CNTN5: variants seen among roughly 807,000 people sequenced by gnomAD.
The protein encoded by CNTN5 is contactin 5.
A neutral mutation model predicts 129.1 loss-of-function variants in CNTN5; 77 were observed. The observed-to-expected ratio is 0.60, with a 90% CI of 0.50 to 0.72. The LOEUF is 0.72. Ranked by LOEUF, CNTN5 falls within the 30% of genes least tolerant of loss-of-function variation. CNTN5 has a pLI of 0.00. For missense variants in CNTN5, 1,478 were observed against 1,328.8 expected (o/e 1.11, Z -1.75); for synonymous variants, 509 against 465.6 (o/e 1.09, Z -1.20).
chr11:100,053,060 T>C lies in CNTN5; in HGVS notation c.981-8152T>C, dbSNP rs547898988. ...CCATAAACAGCAAATAAACTTAAAT[T>C]GGATCATAGCCCTAAATGTAAATCT... On this transcript the variant is annotated intron_variant, in intron 9 of 24. Transcript: ENST00000524871. 2.0e-5 allele frequency among the ~76,000 whole-genome samples: 3 copies of C among 151,878 alleles called. No homozygotes were observed. In the South Asian group the frequency reaches 6.2e-4, roughly 31 times the overall value.
intron 9 of CNTN5, among the ~76,000 whole-genome samples, chr11:100,057,116 A>T (rs1943265953): frequency 6.6e-6 from 1 of 150,552 alleles, no homozygotes; most frequent in African/African-American, 2.4e-5. Flanking sequence ...TAGTCATATG[A>T]TTTTATTATT....
rs79192873 is a variant in CNTN5, at chr11:99,289,811, A to G, written c.-209-35535A>G. Among the ~76,000 whole-genome samples, 333 of 151,942 alleles carry G rather than the reference A, an allele frequency of 2.2e-3. 11 individuals carry two copies. The East Asian group carries it at 0.051, about 23-fold the overall frequency. ...TTCATGGAACTAGACTTTGAAATGA[A>G]TGTGTTTTCTCATCATTAAATTTGG... On this transcript the variant is annotated intron_variant, in intron 1 of 24. Transcript: ENST00000524871.
At chr11:99,850,948 T>A (rs545465361) in intron 6 of CNTN5, among the ~76,000 whole-genome samples, 1 of 152,314 alleles carries the variant, frequency 6.6e-6, no homozygotes, top group Admixed American at 6.5e-5. Flanking sequence ...TAGCTTGACA[T>A]AAAGCCAAAA....
chr11:99,643,279 G>A (rs1431831922), intron 3 of CNTN5, among the ~76,000 whole-genome samples: 4 of 151,964 alleles, frequency 2.6e-5, no homozygotes, highest in Non-Finnish European at 5.9e-5. Flanking sequence ...AGGTGTATAC[G>A]AATATTTGAT....
intron 2 of CNTN5, among the ~76,000 whole-genome samples, chr11:99,480,496 G>T (rs1945550423): frequency 6.6e-6 from 1 of 152,120 alleles, no homozygotes; most frequent in African/African-American, 2.4e-5. Flanking sequence ...CTAAATATCT[G>T]TAGAACATAT....
intron 3 of CNTN5, among the ~76,000 whole-genome samples, chr11:99,616,974 G>C (rs917194125): frequency 1.3e-5 from 2 of 152,182 alleles, no homozygotes; most frequent in Admixed American, 6.5e-5. Context: ...AGCTGGGCGT[G>C]GTGGCACGTG....
chr11:99,739,183 C>G (rs1481685884), intron 3 of CNTN5, among the ~76,000 whole-genome samples: 2 of 152,040 alleles, frequency 1.3e-5, no homozygotes, highest in Non-Finnish European at 2.9e-5. Flanking sequence ...TTGTTATTCC[C>G]TTATGAACTT....
At chr11:99,190,815 A>G (rs1448427131) in intron 1 of CNTN5, among the ~76,000 whole-genome samples, 1 of 151,330 alleles carries the variant, frequency 6.6e-6, no homozygotes, top group Non-Finnish European at 1.5e-5. Context: ...TCTATATATT[A>G]TATCATGTAA....
intron 13 of CNTN5, among the ~76,000 whole-genome samples, chr11:100,074,636 GTTTTAA>G (rs770759206): frequency 3.9e-5 from 6 of 152,096 alleles, no homozygotes; most frequent in Non-Finnish European, 7.4e-5. Flanking sequence ...TAAGCATTGT[GTTTTAA>G]TTTGATTTTA....
chr11:99,874,737 A>C (rs1047339031), intron 6 of CNTN5, among the ~76,000 whole-genome samples: 6 of 152,208 alleles, frequency 3.9e-5, no homozygotes, highest in African/African-American at 1.4e-4. Flanking sequence ...AACAAATTGA[A>C]TTATTTGAAG....
At chr11:100,201,867 A>G (rs73562492) in intron 15 of CNTN5, among the ~76,000 whole-genome samples, 219 of 152,024 alleles carry the variant, frequency 1.4e-3, no homozygotes, top group African/African-American at 5.1e-3. Context: ...CCTTCAGTCA[A>G]AGAGAGTTAT....
chr11:99,740,939 C>T (rs532750509), intron 3 of CNTN5, among the ~76,000 whole-genome samples: 3 of 152,204 alleles, frequency 2.0e-5, no homozygotes, highest in East Asian at 3.9e-4. Flanking sequence ...AGCTTAAATG[C>T]TCTTTATTTT....
intron 1 of CNTN5, among the ~76,000 whole-genome samples, chr11:99,262,150 G>A (rs1243977832): frequency 6.6e-6 from 1 of 151,960 alleles, no homozygotes; most frequent in Non-Finnish European, 1.5e-5. Flanking sequence ...GGCCTTTGGA[G>A]ATAGAGTACT....
intron 3 of CNTN5, among the ~76,000 whole-genome samples, chr11:99,665,709 A>G (rs958441678): frequency 6.6e-6 from 1 of 151,836 alleles, no homozygotes; most frequent in Non-Finnish European, 1.5e-5. Context: ...CTGATCTCCA[A>G]TTTGTGACCT....
chr11:99,317,115 G>A (rs539980191), intron 1 of CNTN5, among the ~76,000 whole-genome samples: 3 of 152,280 alleles, frequency 2.0e-5, no homozygotes, highest in East Asian at 3.9e-4. Flanking sequence ...TGTCTGAAAA[G>A]CAGTTTTATT....
At chr11:99,294,768 T>G (rs913764501) in intron 1 of CNTN5, among the ~76,000 whole-genome samples, 1 of 152,206 alleles carries the variant, frequency 6.6e-6, no homozygotes, top group Non-Finnish European at 1.5e-5. Flanking sequence ...CAGACACCAC[T>G]GTCGACGACG....
Position 100,038,274 on chromosome 11 carries a change from G to A in CNTN5, c.981-22938G>A, listed in dbSNP as rs566812490. 7.2e-4 allele frequency among the ~76,000 whole-genome samples: 110 copies of A among 151,922 alleles called. 1 individual carries two copies. Among genetic ancestry groups the A allele is most frequent in the African/African-American group, 1.9e-3 (80 of 41,370 alleles). On this transcript the variant is annotated intron_variant, in intron 9 of 24. Coordinates refer to ENST00000524871, the MANE Select transcript of CNTN5 (RefSeq NM_014361.4). The stretch of plus-strand genomic sequence containing the variant: ...TTGTTCAGTTTCCATGTAGTTGAGC[G>A]GTTTTGAGTGAGTTTCTTAATCCTG...
chr11:99,772,618 C>G (rs1029528569), intron 3 of CNTN5, among the ~76,000 whole-genome samples: 3 of 152,018 alleles, frequency 2.0e-5, no homozygotes, highest in Non-Finnish European at 4.4e-5. Flanking sequence ...AACCAAATCT[C>G]AAGATACTTT....
At chr11:99,222,862 T>C (rs538223974) in intron 1 of CNTN5, among the ~76,000 whole-genome samples, 33 of 152,324 alleles carry the variant, frequency 2.2e-4, no homozygotes, top group Non-Finnish European at 4.6e-4. Context: ...ATTTAAGTGT[T>C]CTTTAATACT....
Sources: gnomAD v4.1 joint callset for allele counts (sites outside exome capture counted in the v4.1 genomes callset) on GRCh38, gnomAD v4.1.1 for gene constraint, MANE v1.5 for transcripts, NCBI Gene and HGNC (gene_info 2026-07-23, HGNC 2026-07-21) for gene names.